MAGI1: variants seen among roughly 807,000 people sequenced by gnomAD.
MAGI1 encodes membrane associated guanylate kinase, WW and PDZ domain containing 1.
A neutral mutation model predicts 139.9 loss-of-function variants in MAGI1; 58 were observed. That is an observed-to-expected ratio of 0.41 (90% CI 0.34 to 0.52). The LOEUF is 0.52. Among genes scored for constraint, MAGI1 ranks in the 20% least tolerant of loss-of-function variants. The pLI, the probability that MAGI1 is intolerant of heterozygous loss-of-function variation, is 0.12. For missense variants in MAGI1, 1,874 were observed against 1,901.6 expected (o/e 0.99, Z 0.27); for synonymous variants, 812 against 737.9 (o/e 1.10, Z -1.63).
At chr3:65,762,407 C>T (rs1204800407) in intron 1 of MAGI1, among the ~76,000 whole-genome samples, 2 of 151,798 alleles carry the variant, frequency 1.3e-5, no homozygotes, top group Non-Finnish European at 2.9e-5. Flanking sequence ...CTACGAATCT[C>T]ATTACTGCAC....
At chr3:65,414,823 G>T (rs930615875) in intron 12 of MAGI1, among the ~76,000 whole-genome samples, 1 of 149,078 alleles carries the variant, frequency 6.7e-6, no homozygotes, top group African/African-American at 2.5e-5. Flanking sequence ...CACCTGACCA[G>T]CCAGATCAAC....
chr3:65,945,906 A>G (rs1220965929), intron 1 of MAGI1, among the ~76,000 whole-genome samples: 1 of 152,242 alleles, frequency 6.6e-6, no homozygotes, highest in African/African-American at 2.4e-5. Context: ...AGCAGTGGCT[A>G]AAGGCACACT....
intron 3 of MAGI1, among the ~76,000 whole-genome samples, chr3:65,490,801 G>A (rs1442106316): frequency 1.6e-5 from 2 of 124,220 alleles, no homozygotes; most frequent in Admixed American, 1.1e-4. Context: ...CTGAGACTGC[G>A]CCACTGCACT....
chr3:65,913,839 C>A (rs181265844), intron 1 of MAGI1, among the ~76,000 whole-genome samples: 1 of 152,070 alleles, frequency 6.6e-6, no homozygotes, highest in African/African-American at 2.4e-5. Context: ...GAGTAGAGTA[C>A]CATGGAGGAA....
chr3:65,508,277 G>A (rs11920043), intron 2 of MAGI1, among the ~76,000 whole-genome samples: 3 of 151,848 alleles, frequency 2.0e-5, no homozygotes, highest in Non-Finnish European at 4.4e-5. Context: ...GGCAGTGGGC[G>A]CCTGTAGTCC....
intron 12 of MAGI1, among the ~76,000 whole-genome samples, chr3:65,422,373 C>G (rs977135744): frequency 1.3e-5 from 2 of 152,150 alleles, no homozygotes; most frequent in Non-Finnish European, 2.9e-5. Flanking sequence ...TTTAGGGCAG[C>G]CTGTGAACAG....
intron 2 of MAGI1, among the ~76,000 whole-genome samples, chr3:65,543,761 G>C (rs190361497): frequency 1.1e-4 from 17 of 151,852 alleles, no homozygotes; most frequent in South Asian, 4.2e-4. Flanking sequence ...GGGATGGGGG[G>C]GGGTACAAGA....
At chr3:65,687,304 G>A (rs764067456) in intron 1 of MAGI1, 4 of 212,468 alleles carry the variant, frequency 1.9e-5, no homozygotes, top group African/African-American at 4.8e-5. Context: ...AAGGCACCAC[G>A]AAGAGTGACA....
At chr3:65,755,713 T>G (rs2036514525) in intron 1 of MAGI1, among the ~76,000 whole-genome samples, 1 of 152,202 alleles carries the variant, frequency 6.6e-6, no homozygotes, top group African/African-American at 2.4e-5. Context: ...ATAATGAAAC[T>G]AACTTACCCA....
Position 65,364,935 on chromosome 3 carries a change from C to T in MAGI1, c.3208G>A (p.Ala1070Thr), listed in dbSNP as rs768079102. 4 of 1,613,836 alleles carry T rather than the reference C, an allele frequency of 2.5e-6. No homozygotes were observed. Among genetic ancestry groups the T allele is most frequent in the Non-Finnish European group, 3.4e-6 (4 of 1,179,840 alleles). Reference protein sequence around the residue: ...RIIPGDESSNATLLTNAEKIA... With the variant: ...RIIPGDESSNTTLLTNAEKIA... ...TTCTCTGCATTGGTCAGCAAGGTGG[C>T]ATTCGAGGACTCTGCAAAGAGGGAC... The change falls in exon 19 of 23, where the codon GCC (alanine) becomes ACC (threonine). Residue 1070 changes from alanine to threonine, a missense_variant. Coordinates refer to ENST00000402939, the MANE Select transcript of MAGI1 (RefSeq NM_001033057.2).
At chr3:65,984,764 T>C (rs931085605) in intron 1 of MAGI1, among the ~76,000 whole-genome samples, 3 of 150,300 alleles carry the variant, frequency 2.0e-5, no homozygotes, top group African/African-American at 4.9e-5. Context: ...CCCAGGGTGG[T>C]CTTGAACTTC....
intron 12 of MAGI1, among the ~76,000 whole-genome samples, chr3:65,418,910 C>T (rs1946428749): frequency 6.6e-6 from 1 of 152,220 alleles, no homozygotes; most frequent in Non-Finnish European, 1.5e-5. Context: ...CAGGCCTCCA[C>T]CTCTTGACCC....
At chr3:65,392,180 A>G (rs1239943083) in intron 13 of MAGI1, among the ~76,000 whole-genome samples, 1 of 152,206 alleles carries the variant, frequency 6.6e-6, no homozygotes, top group Non-Finnish European at 1.5e-5. Context: ...GTCCTTGTTC[A>G]TTAAAATCTG....
chr3:65,581,543 C>T (rs1386691703), intron 2 of MAGI1, among the ~76,000 whole-genome samples: 1 of 152,136 alleles, frequency 6.6e-6, no homozygotes, highest in Non-Finnish European at 1.5e-5. Flanking sequence ...CCCCTTGCTG[C>T]TATTCATACA....
At chr3:65,791,553 A>G (rs1213562235) in intron 1 of MAGI1, among the ~76,000 whole-genome samples, 1 of 152,190 alleles carries the variant, frequency 6.6e-6, no homozygotes, top group Non-Finnish European at 1.5e-5. Flanking sequence ...GAAAAGAGAA[A>G]GGGAGGGAGG....
chr3:65,477,114 TA>T (rs946200879), intron 4 of MAGI1, among the ~76,000 whole-genome samples: 3 of 152,178 alleles, frequency 2.0e-5, no homozygotes, highest in African/African-American at 7.2e-5. Flanking sequence ...CAAGCCAGGG[TA>T]ACAAACAAAT....
At chr3:65,918,769 T>C (rs764167677) in intron 1 of MAGI1, among the ~76,000 whole-genome samples, 6 of 152,200 alleles carry the variant, frequency 3.9e-5, no homozygotes, top group Non-Finnish European at 7.3e-5. Flanking sequence ...CTTAAAATTA[T>C]TGTTTGCTTA....
intron 2 of MAGI1, among the ~76,000 whole-genome samples, chr3:65,551,090 A>G (rs1318034073): frequency 6.6e-6 from 1 of 152,162 alleles, no homozygotes; most frequent in Non-Finnish European, 1.5e-5. Context: ...GGAGACAGGT[A>G]ACTGGATCAT....
chr3:65,434,645 T>G (rs1479048818), intron 10 of MAGI1, among the ~76,000 whole-genome samples: 1 of 152,122 alleles, frequency 6.6e-6, no homozygotes, highest in Admixed American at 6.6e-5. Context: ...TCAAGACACT[T>G]AACCGGTAGG....
Sources: allele counts gnomAD v4.1 joint callset (sites outside exome capture counted in the v4.1 genomes callset), GRCh38; gene constraint gnomAD v4.1.1; transcripts MANE v1.5; gene names NCBI Gene and HGNC (gene_info 2026-07-23, HGNC 2026-07-21).